SRGAP3: variants seen among roughly 807,000 people sequenced by gnomAD.
SRGAP3 encodes SLIT-ROBO Rho GTPase activating protein 3, also known as SLIT-ROBO Rho GTPase-activating protein 3.
Under a neutral mutation model 121.1 loss-of-function variants are expected in SRGAP3, and 39 were observed. That is an observed-to-expected ratio of 0.32 (90% CI 0.25 to 0.42). The LOEUF is 0.42. Ranked by LOEUF, SRGAP3 falls within the 10% of genes least tolerant of loss-of-function variation. The pLI, the probability that SRGAP3 is intolerant of heterozygous loss-of-function variation, is 1.00. For missense variants in SRGAP3, 1,213 were observed against 1,470.6 expected (o/e 0.82, Z 2.86); for synonymous variants, 601 against 570.0 (o/e 1.05, Z -0.77).
chr3:8,985,257 G>C lies in SRGAP3; in HGVS notation c.*262C>G. The C allele has an allele frequency of 1.5e-6, 1 of 648,656 alleles. No individual in the cohort carries two copies. The allele number at this position is 648,656 out of a possible 1,614,324, so 40.2% of individuals were successfully genotyped here. ...AAGCCATGTGGTATTTTGCCTCCATGTTAGGGAATGCTGTGGTTGGGGCTG... is the reference window on the plus strand; with the variant it reads ...AAGCCATGTGGTATTTTGCCTCCATCTTAGGGAATGCTGTGGTTGGGGCTG... On this transcript the variant is annotated 3_prime_UTR_variant, in exon 22 of 22. Coordinates refer to ENST00000383836, the MANE Select transcript of SRGAP3 (RefSeq NM_014850.4). The surrounding 1 kb of genome is among the most constrained non-coding windows in gnomAD (Gnocchi z 5.1).
intron 11 of SRGAP3, chr3:9,037,765 G>C (rs2271205): frequency 0.25 from 125,917 of 500,372 alleles, 16,455 homozygotes; most frequent in South Asian, 0.33. Context: ...CAGCCACTCT[G>C]AGTAGACAAT....
At chr3:9,113,875 G>T (rs578047345) in intron 2 of SRGAP3, among the ~76,000 whole-genome samples, 1 of 152,148 alleles carries the variant, frequency 6.6e-6, no homozygotes, top group Non-Finnish European at 1.5e-5. Context: ...ATGCGAAATT[G>T]TGAGTCCATT....
At chr3:9,251,845 C>T (rs1196851827), upstream of SRGAP3, among the ~76,000 whole-genome samples, 1 of 152,114 alleles carries the variant, frequency 6.6e-6, no homozygotes. Context: ...CTGCTGTGCA[C>T]CAGCTGTGTG....
chr3:9,358,414 T>C (rs1319502453), intron 1 of SRGAP3, among the ~76,000 whole-genome samples: 1 of 152,204 alleles, frequency 6.6e-6, no homozygotes, highest in Non-Finnish European at 1.5e-5. Flanking sequence ...AATATATCTG[T>C]ACTTTGGAAA....
chr3:9,144,959 A>G (rs1221131405), intron 1 of SRGAP3, among the ~76,000 whole-genome samples: 2 of 152,248 alleles, frequency 1.3e-5, no homozygotes, highest in Admixed American at 6.5e-5. Flanking sequence ...TGTGCATTAT[A>G]AATGTTTAAA....
chr3:9,326,824 C>T (rs899614126), intron 2 of SRGAP3, among the ~76,000 whole-genome samples: 13 of 151,724 alleles, frequency 8.6e-5, no homozygotes, highest in Admixed American at 3.9e-4. Flanking sequence ...TAGAATCTCA[C>T]GTTACCATAA....
At chr3:8,997,283 C>A (rs1262757513) in intron 18 of SRGAP3, among the ~76,000 whole-genome samples, 1 of 152,178 alleles carries the variant, frequency 6.6e-6, no homozygotes, top group Non-Finnish European at 1.5e-5. Flanking sequence ...CAGGCCAATG[C>A]CCTGGCATGG....
At chr3:9,122,001 A>G (rs1273563030) in intron 2 of SRGAP3, among the ~76,000 whole-genome samples, 1 of 152,200 alleles carries the variant, frequency 6.6e-6, no homozygotes, top group East Asian at 1.9e-4. Flanking sequence ...CCAAGGAGGC[A>G]GAGAAGAGAC....
rs77802564 is a variant in SRGAP3, at chr3:8,990,316, T to A, written c.2886+196A>T. Among the ~76,000 whole-genome samples the A allele has an allele frequency of 9.9e-3, 1,511 of 152,348 alleles. 23 individuals carry two copies. Among genetic ancestry groups the A allele is most frequent in the African/African-American group, 0.034 (1,412 of 41,586 alleles). ...GGGTGTTCAGCCTCTATCGGAACCC[T>A]AGCAGTGGCTGCTCCCAACCAGTCT... On this transcript the variant is annotated intron_variant, in intron 21 of 21. Coordinates refer to ENST00000383836, the MANE Select transcript of SRGAP3 (RefSeq NM_014850.4).
At chr3:9,227,202 ACT>A (rs1488459753) in intron 1 of SRGAP3, among the ~76,000 whole-genome samples, 1 of 152,028 alleles carries the variant, frequency 6.6e-6, no homozygotes, top group Non-Finnish European at 1.5e-5. Flanking sequence ...ATTTTTTTTA[ACT>A]CTCTTCATTT....
At chr3:8,986,396 C>T (rs1021030840) in intron 21 of SRGAP3, among the ~76,000 whole-genome samples, 4 of 152,174 alleles carry the variant, frequency 2.6e-5, no homozygotes, top group Admixed American at 1.3e-4. Context: ...CTCAAAAATA[C>T]GAATGACAAT....
Position 8,993,049 on chromosome 3 carries a change from A to G in SRGAP3, c.2415T>C (p.Asp805=). The change falls in exon 20 of 22, where the codon GAT becomes GAC. Residue 805 remains aspartate (D), a synonymous_variant. Transcript: ENST00000383836. ...TCTGGCTCAGGCTGTCGGAGAAGGC[A>G]TCATCCCTGGGGAGAAGACAGACAT... ...HQYIVVQDMD[D]AFSDSLSQKA... 1.2e-6 allele frequency: 2 copies of G among 1,614,086 alleles called. No individual in the cohort carries two copies. The highest frequency in any genetic ancestry group is 1.7e-6 in the Non-Finnish European group (2 of 1,180,038).
At chr3:9,329,991 T>C (rs867744757) in intron 2 of SRGAP3, among the ~76,000 whole-genome samples, 1 of 152,180 alleles carries the variant, frequency 6.6e-6, no homozygotes, top group African/African-American at 2.4e-5. Context: ...ATTTGGAATG[T>C]TCCACTGCAA....
chr3:9,302,306 T>C (rs1237304842), intron 3 of SRGAP3, among the ~76,000 whole-genome samples: 2 of 152,066 alleles, frequency 1.3e-5, no homozygotes, highest in African/African-American at 2.4e-5. Context: ...GGAGGGTGCG[T>C]CCCTGGGTAT....
Position 9,228,859 on chromosome 3 carries a change from G to A in SRGAP3, c.67+20026C>T, listed in dbSNP as rs557953239. Among the ~76,000 whole-genome samples, 5 of 151,706 alleles carry A rather than the reference G, an allele frequency of 3.3e-5. No homozygotes were observed. The South Asian group carries it at 6.3e-4, about 19-fold the overall frequency. On this transcript the variant is annotated intron_variant, in intron 1 of 21. Coordinates refer to ENST00000383836, the MANE Select transcript of SRGAP3 (RefSeq NM_014850.4). ...GGGTGGATCATGAGGTCAGGAGATCGAGACCATCCTGGCTAACATGGTGAA... is the reference window on the plus strand; with the variant it reads ...GGGTGGATCATGAGGTCAGGAGATCAAGACCATCCTGGCTAACATGGTGAA...
intron 3 of SRGAP3, among the ~76,000 whole-genome samples, chr3:9,100,868 G>A (rs1360507375): frequency 6.6e-6 from 1 of 152,230 alleles, no homozygotes; most frequent in Non-Finnish European, 1.5e-5. Flanking sequence ...AAGACCTGAA[G>A]CATGACCCAG....
chr3:9,094,788 C>T lies in SRGAP3; in HGVS notation c.423+9892G>A, dbSNP rs113016330. ...ATTTTTTTTCTTAGGCAGGGTCTTG[C>T]TCGGTTGCCCAGGCTGGAGTGCAGT... is the stretch of plus-strand genomic sequence containing the variant. On this transcript the variant is annotated intron_variant, in intron 3 of 21. Coordinates refer to ENST00000383836, the MANE Select transcript of SRGAP3 (RefSeq NM_014850.4). Among the ~76,000 whole-genome samples, 6 of 152,216 alleles carry T rather than the reference C, an allele frequency of 3.9e-5. 1 individual carries two copies. The highest frequency in any genetic ancestry group is 1.2e-4 in the African/African-American group (5 of 41,522).
At chr3:9,107,676 C>T (rs991322533) in intron 2 of SRGAP3, among the ~76,000 whole-genome samples, 3 of 152,334 alleles carry the variant, frequency 2.0e-5, no homozygotes, top group African/African-American at 4.8e-5. Flanking sequence ...CCCCAGACTA[C>T]GTGTACTCAG....
At chr3:9,178,919 G>A (rs560039770) in intron 1 of SRGAP3, among the ~76,000 whole-genome samples, 2 of 152,294 alleles carry the variant, frequency 1.3e-5, no homozygotes, top group Non-Finnish European at 2.9e-5. Context: ...CAGCTGCAAC[G>A]GTTGCCCAAA....
Sources: allele counts gnomAD v4.1 joint callset (sites outside exome capture counted in the v4.1 genomes callset), GRCh38; gene constraint gnomAD v4.1.1; non-coding constraint Gnocchi (gnomAD v3.1); transcripts MANE v1.5; gene names NCBI Gene and HGNC (gene_info 2026-07-23, HGNC 2026-07-21).